Variants in ITGB1 observed in about 807,000 individuals in gnomAD.
ITGB1 encodes integrin subunit beta 1.
A neutral mutation model predicts 86.5 loss-of-function variants in ITGB1; 24 were observed. The observed-to-expected ratio is 0.28, with a 90% CI of 0.20 to 0.39. ITGB1 has a LOEUF of 0.39. Ranked by LOEUF, ITGB1 falls within the 10% of genes least tolerant of loss-of-function variation. The pLI is 1.00. For synonymous variants in ITGB1, 323 were observed against 316.8 expected (o/e 1.02, Z -0.21); for missense variants, 556 against 946.9 (o/e 0.59, Z 5.42).
At chr10:32,907,246 GAAATTTGTAATTT>G (rs2094899303) in intron 15 of ITGB1, 1 of 349,962 alleles carries the variant, frequency 2.9e-6, no homozygotes, top group Admixed American at 4.6e-5. Context: ...CTACCCTTCT[GAAATTTGTAATTT>G]AAAAAATTGA....
In ITGB1 at chr10:32,912,116, T is replaced by C. The variant is rs778364434; in HGVS notation, c.1478A>G (p.Glu493Gly). Reference sequence around the variant, plus strand: ...TTCACAATGTCTACCAACACGCCCTTCATTGCACCTGAAGAAACATGCCAA... The same window carrying C: ...TTCACAATGTCTACCAACACGCCCTCCATTGCACCTGAAGAAACATGCCAA... ...TFECGACRCN[E>G]GRVGRHCECS... The change falls in exon 12 of 16, where the codon GAA becomes GGA. Residue 493 changes from glutamate to glycine, a missense_variant. Around this residue, in one of 4 missense-constraint regions of ITGB1, gnomAD observed 330 missense variants for 531.5 expected, o/e 0.62. Transcript: ENST00000302278. 1.2e-6 allele frequency: 2 copies of C among 1,610,108 alleles called. No individual in the cohort carries two copies. The highest frequency in any genetic ancestry group is 1.7e-5 in the Admixed American group (1 of 59,414).
chr10:32,902,233 T>C (rs1313767253), intron 15 of ITGB1, among the ~76,000 whole-genome samples: 1 of 152,208 alleles, frequency 6.6e-6, no homozygotes, highest in Non-Finnish European at 1.5e-5. Context: ...AAATAACTTG[T>C]TATGCTTCAA....
chr10:32,919,789 A>C, intron 11 of ITGB1, 96 bp downstream of exon 11: 1 of 1,077,276 alleles, frequency 9.3e-7, no homozygotes, highest in Non-Finnish European at 1.4e-6. Context: ...AATTTGCTCC[A>C]AATAGAGAGA....
chr10:32,920,501 C>T, intron 9 of ITGB1, 116 bp from the exon 10 acceptor site: 1 of 847,748 alleles, frequency 1.2e-6, no homozygotes, highest in South Asian at 1.8e-5. Context: ...ATCTACAAGC[C>T]AAATCCAATT....
chr10:32,953,215 C>A (rs934283605), intron 1 of ITGB1, among the ~76,000 whole-genome samples: 4 of 152,182 alleles, frequency 2.6e-5, no homozygotes, highest in Non-Finnish European at 5.9e-5. Context: ...ATTTTTCTAA[C>A]ATTGTTAGGG....
At chr10:32,908,250 G>T in intron 15 of ITGB1, 118 bp downstream of exon 15, 2 of 977,114 alleles carry the variant, frequency 2.0e-6, no homozygotes, top group Non-Finnish European at 1.6e-6. Flanking sequence ...GAAACTTTTG[G>T]GGGAATAAAA....
intron 1 of ITGB1, among the ~76,000 whole-genome samples, chr10:32,946,728 T>A (rs1234885316): frequency 9.1e-6 from 1 of 110,084 alleles, no homozygotes; most frequent in African/African-American, 3.5e-5. Context: ...CAAGTGCCAA[T>A]AAGTGGTTTG....
intron 3 of ITGB1, 50 bp from the exon 4 acceptor site, chr10:32,930,094 C>T (rs370878021): frequency 1.3e-6 from 1 of 789,636 alleles, no homozygotes; most frequent in Admixed American, 2.1e-5. Flanking sequence ...AATGGTCAAA[C>T]CTTTTTACAT....
chr10:32,930,504 C>T (rs1375325556), intron 3 of ITGB1, among the ~76,000 whole-genome samples: 2 of 152,066 alleles, frequency 1.3e-5, no homozygotes, highest in African/African-American at 4.8e-5. Context: ...GGAAAACAGA[C>T]GAGCTTAAAA....
At chr10:32,916,290 A>T (rs2094931154) in intron 11 of ITGB1, among the ~76,000 whole-genome samples, 2 of 152,208 alleles carry the variant, frequency 1.3e-5, no homozygotes, top group Non-Finnish European at 2.9e-5. Context: ...TATTCAACAC[A>T]GTGTTGGAAG....
chr10:32,923,219 G>C (rs1271793234), intron 7 of ITGB1, among the ~76,000 whole-genome samples: 1 of 152,184 alleles, frequency 6.6e-6, no homozygotes, highest in Non-Finnish European at 1.5e-5. Flanking sequence ...AAGGCAGAGT[G>C]ACTGCTTTTA....
intron 10 of ITGB1, 40 bp downstream of exon 10, chr10:32,920,205 T>A: frequency 1.3e-6 from 2 of 1,594,052 alleles, no homozygotes; most frequent in Non-Finnish European, 1.7e-6. Context: ...TGCTTATAAA[T>A]AACCAATGTT....
chr10:32,920,597 A>C (rs903592994), intron 9 of ITGB1, among the ~76,000 whole-genome samples: 2 of 152,210 alleles, frequency 1.3e-5, no homozygotes, highest in Non-Finnish European at 2.9e-5. Flanking sequence ...AATTGAAAAG[A>C]GTATTCCTGT....
At chr10:32,931,472 G>A (rs1229094957) in intron 3 of ITGB1, among the ~76,000 whole-genome samples, 6 of 152,070 alleles carry the variant, frequency 3.9e-5, no homozygotes, top group African/African-American at 1.4e-4. Flanking sequence ...TGTAACAATA[G>A]ATAAAGCGGA....
chr10:32,922,171 G>A lies in ITGB1; in HGVS notation c.1128+86C>T, dbSNP rs2094952189. The A allele has an allele frequency of 1.7e-5, 14 of 806,834 alleles. No homozygotes were observed. In the East Asian group the frequency reaches 3.7e-4, roughly 21 times the overall value. 50.0% of individuals were successfully genotyped at this position (806,834 alleles called of 1,614,324 possible). A position where few individuals can be genotyped will look rare whatever the true frequency, so the allele number is the denominator to read the frequency against. Reference sequence around the variant, plus strand: ...TGTAGTACTTTGGGCTCGCTAAAGTGTGTATGAAGGAAGTTTTACTTTCTT... The same window carrying A: ...TGTAGTACTTTGGGCTCGCTAAAGTATGTATGAAGGAAGTTTTACTTTCTT... On this transcript the variant is annotated intron_variant, in intron 9 of 15. Transcript: ENST00000302278.
chr10:32,950,855 C>T (rs1371695259), intron 1 of ITGB1, among the ~76,000 whole-genome samples: 2 of 152,056 alleles, frequency 1.3e-5, no homozygotes, highest in African/African-American at 4.8e-5. Flanking sequence ...CACAACACGG[C>T]GAGATACTTT....
At chr10:32,928,372 A>T (rs2094972237) in intron 4 of ITGB1, 108 bp from the exon 5 acceptor site, 1 of 580,796 alleles carries the variant, frequency 1.7e-6, no homozygotes, top group Non-Finnish European at 3.1e-6. Context: ...AAAATAAAAC[A>T]TGTTGTCATA....
chr10:32,913,273 G>C (rs1012741886), intron 11 of ITGB1, among the ~76,000 whole-genome samples: 1 of 151,696 alleles, frequency 6.6e-6, no homozygotes, highest in Non-Finnish European at 1.5e-5. Context: ...CCAAAGAAAT[G>C]CACCTCCTCA....
chr10:32,923,244 C>T (rs2094955302), intron 7 of ITGB1, among the ~76,000 whole-genome samples: 2 of 152,058 alleles, frequency 1.3e-5, no homozygotes, highest in Non-Finnish European at 2.9e-5. Context: ...TCGTATAAAA[C>T]AAAGAGTATG....
Sources: allele counts gnomAD v4.1 joint callset (sites outside exome capture counted in the v4.1 genomes callset), GRCh38; gene constraint gnomAD v4.1.1; regional missense constraint gnomAD v4.1.1; transcripts MANE v1.5; gene names NCBI Gene and HGNC (gene_info 2026-07-23, HGNC 2026-07-21).